The following CLEC17A variants were observed in gnomAD, a reference collection of about 807,000 sequenced individuals.
The protein encoded by CLEC17A is C-type lectin domain family 17, member A.
In CLEC17A, 37 loss-of-function variants were observed where a neutral mutation model predicts 61.3. The observed-to-expected ratio is 0.60, with a 90% CI of 0.46 to 0.79. The LOEUF is 0.79. Among genes scored for constraint, CLEC17A ranks in the 30% least tolerant of loss-of-function variants. The pLI is 0.00. For missense variants in CLEC17A, 418 were observed against 464.7 expected, an observed-to-expected ratio of 0.90 and a Z score of 0.92; for synonymous variants, 168 against 164.9, an observed-to-expected ratio of 1.02 and a Z score of -0.14.
At chr19:14,594,577 C>A in intron 5 of CLEC17A, 28 bp downstream of exon 5, 2 of 1,613,126 alleles carry the variant, frequency 1.2e-6, no homozygotes, top group Non-Finnish European at 1.7e-6. Context: ...GTGTAGGAGA[C>A]CCAGAGCTGG....
At position 14,591,279 on chromosome 19, in the gene CLEC17A, T is replaced by C. The variant is rs374764390; in HGVS notation, c.200-1002T>C. 2.7e-5 allele frequency among the ~76,000 whole-genome samples: 4 copies of C among 150,144 alleles called. No individual in the cohort carries two copies. The South Asian group carries it at 8.5e-4, about 32-fold the overall frequency. On this transcript the variant is annotated intron_variant, in intron 3 of 13. Transcript: ENST00000417570. ...ACGCCATTCTCCTGCCTCAGCCTCC[T>C]GAGTAGCTGGGACCACAGGCGCCCG...
At chr19:14,596,786 C>A in intron 8 of CLEC17A, 90 bp from the exon 9 acceptor site, 1 of 1,438,490 alleles carries the variant, frequency 7.0e-7, no homozygotes, top group Non-Finnish European at 9.4e-7. Flanking sequence ...CAGACTTCTG[C>A]CCCCTGCTCT....
intron 2 of CLEC17A, chr19:14,584,188 C>G (rs2396230): frequency 1.3e-5 from 2 of 151,914 alleles, no homozygotes; most frequent in Admixed American, 6.6e-5. Flanking sequence ...CGATTGTGAA[C>G]TAGGCGATCG....
chr19:14,602,820 C>T (rs1193096232), intron 12 of CLEC17A, among the ~76,000 whole-genome samples: 1 of 152,014 alleles, frequency 6.6e-6, no homozygotes, highest in Non-Finnish European at 1.5e-5. Context: ...ACTGCAACCT[C>T]TGCCTCCCGA....
chr19:14,611,357 G>A lies in CLEC17A; in HGVS notation c.*1161G>A, dbSNP rs1439916221. On this transcript the variant is annotated 3_prime_UTR_variant, in exon 14 of 14. Transcript: ENST00000417570. ...AGACTTTTGCCAGAAGACTTGGCCC[G>A]TGGAACTTCTATCCTTTTTTTTTTT... is the stretch of plus-strand genomic sequence containing the variant. Among the ~76,000 whole-genome samples, 2 of 147,438 alleles carry A rather than the reference G, an allele frequency of 1.4e-5. No homozygotes were observed. Among genetic ancestry groups the A allele is most frequent in the Non-Finnish European group, 3.0e-5 (2 of 67,322 alleles).
chr19:14,598,146 A>G lies in CLEC17A; in HGVS notation c.646+985A>G, dbSNP rs181030377. Among the ~76,000 whole-genome samples, 160 of 150,940 alleles carry G rather than the reference A, an allele frequency of 1.1e-3. 4 individuals are homozygous for G. The highest frequency in any genetic ancestry group is 9.6e-3 in the Admixed American group (145 of 15,174). On this transcript the variant is annotated intron_variant, in intron 10 of 13. Coordinates refer to ENST00000417570, the MANE Select transcript of CLEC17A (RefSeq NM_001204118.2). Reference sequence around the variant, plus strand: ...GTCCAGAGTCCAAGGTGAAACCTTTAGCTTGGCATTCAAGGATCCACATAT... The same window carrying G: ...GTCCAGAGTCCAAGGTGAAACCTTTGGCTTGGCATTCAAGGATCCACATAT...
chr19:14,587,329 A>G (rs1010652446), intron 2 of CLEC17A, among the ~76,000 whole-genome samples: 1 of 151,890 alleles, frequency 6.6e-6, no homozygotes, highest in Non-Finnish European at 1.5e-5. Context: ...CTTTGAAAGG[A>G]AAGGGAAACA....
Position 14,610,194 on chromosome 19 carries a change from T to G in CLEC17A, c.1135T>G (p.Ter379GlyextTer11). Residue 379 changes from the stop codon to glycine (G), a stop_lost, in exon 14 of 14, where the codon TGA becomes GGA. Coordinates refer to ENST00000417570, the MANE Select transcript of CLEC17A (RefSeq NM_001204118.2). Reference protein sequence around the residue: ...YWICERKCSC* With the variant: ...YWICERKCSCG ...GATTTGTGAGCGGAAATGTTCCTGT[T>G]GAAGCCCAGGGCCGAGGCTGGGGGT... is the stretch of plus-strand genomic sequence containing the variant. 1 of 1,562,666 alleles carries G rather than the reference T, an allele frequency of 6.4e-7. No homozygotes were observed. The highest frequency in any genetic ancestry group is 8.7e-7 in the Non-Finnish European group (1 of 1,153,354).
At chr19:14,590,770 T>G (rs1187043270) in intron 3 of CLEC17A, among the ~76,000 whole-genome samples, 1 of 151,954 alleles carries the variant, frequency 6.6e-6, no homozygotes, top group Non-Finnish European at 1.5e-5. Context: ...CACTGCTGTG[T>G]CAACCTCCTG....
At chr19:14,599,664 A>T (rs1485031177) in intron 10 of CLEC17A, 53 bp from the exon 11 acceptor site, 2 of 1,273,140 alleles carry the variant, frequency 1.6e-6, no homozygotes, top group Non-Finnish European at 2.3e-6. Flanking sequence ...TCCGTGGTGG[A>T]TGGGTAGGAT....
chr19:14,611,545 C>A lies in CLEC17A; in HGVS notation c.*1349C>A, dbSNP rs1390882274. 1.3e-5 allele frequency among the ~76,000 whole-genome samples: 2 copies of A among 151,634 alleles called. No individual in the cohort carries two copies. The highest frequency in any genetic ancestry group is 2.9e-5 in the Non-Finnish European group (2 of 67,906). ...GGCGTTCACCCTCACACCTGGCTGG[C>A]CCATGGAACTTCTAGAAAGGCATAC... On this transcript the variant is annotated 3_prime_UTR_variant, in exon 14 of 14. Coordinates refer to ENST00000417570, the MANE Select transcript of CLEC17A (RefSeq NM_001204118.2).
In CLEC17A at chr19:14,600,167, T is replaced by G; in HGVS notation, c.879T>G (p.Asn293Lys). The stretch of plus-strand genomic sequence containing the variant: ...ATTACTCTCACTTGGTCATCATCAA[T>G]AGCTTTGCTGAGCACGTGAGTTCTT... ...QENYSHLVII[N>K]SFAEHNFVAK... Residue 293 changes from asparagine (N) to lysine (K), a missense_variant, in exon 12 of 14, where the codon AAT becomes AAG. Physicochemically the swap from Asn to Lys is moderately conservative, Grantham distance 94. Coordinates refer to ENST00000417570, the MANE Select transcript of CLEC17A (RefSeq NM_001204118.2). 6.2e-7 allele frequency: 1 copy of G among 1,614,032 alleles called. No individual in the cohort carries two copies. The highest frequency in any genetic ancestry group is 1.1e-5 in the South Asian group (1 of 91,092).
At chr19:14,582,584 TAATA>T (rs1183681562), upstream of CLEC17A, among the ~76,000 whole-genome samples, 4 of 151,760 alleles carry the variant, frequency 2.6e-5, no homozygotes, top group East Asian at 7.7e-4. Context: ...ATTAATTAAT[TAATA>T]TTTAATGTTT....
rs1417754548 is a variant in CLEC17A at position 14,600,101 on chromosome 19, C to T, written c.813C>T (p.Ser271=). Reference sequence around the variant, plus strand: ...GCAAGTGTTACTACTTCTCCCCAAGCACCAAGTCATGGGATGAGGCCCGGA... The same window carrying T: ...GCAAGTGTTACTACTTCTCCCCAAGTACCAAGTCATGGGATGAGGCCCGGA... The part of the protein sequence containing the change: ...FEGKCYYFSP[S]TKSWDEARMF... Residue 271 remains serine, a synonymous_variant, in exon 12 of 14, where the codon AGC becomes AGT. Transcript: ENST00000417570. 2 of 1,614,042 alleles carry T rather than the reference C, an allele frequency of 1.2e-6. No homozygotes were observed. Among genetic ancestry groups the T allele is most frequent in the Non-Finnish European group, 8.5e-7 (1 of 1,179,888 alleles).
chr19:14,581,020 C>T (rs1450842142), upstream of CLEC17A, among the ~76,000 whole-genome samples: 7 of 152,270 alleles, frequency 4.6e-5, no homozygotes, highest in East Asian at 1.2e-3. Flanking sequence ...AAGGTTTTTC[C>T]ATTTGTTAGA....
At chr19:14,582,231 G>C (rs914533713), upstream of CLEC17A, among the ~76,000 whole-genome samples, 1 of 71,078 alleles carries the variant, frequency 1.4e-5, no homozygotes, top group African/African-American at 6.5e-5. Context: ...TTTTTTTTTT[G>C]AGACGGAGTC....
chr19:14,605,199 G>A (rs542174702), intron 12 of CLEC17A, among the ~76,000 whole-genome samples: 1 of 152,038 alleles, frequency 6.6e-6, no homozygotes, highest in Admixed American at 6.6e-5. Context: ...CTGGTTTCAA[G>A]CAATTCTCCT....
chr19:14,599,079 CTTTTTTTT>C (rs796835309), intron 10 of CLEC17A, among the ~76,000 whole-genome samples: 3 of 56,938 alleles, frequency 5.3e-5, no homozygotes, highest in African/African-American at 2.4e-4. Flanking sequence ...TGTATCTTTG[CTTTTTTTT>C]TTTTTTTTTT....
rs2074919520 is a variant in CLEC17A at position 14,607,451 on chromosome 19, C to T, written c.1004+349C>T. 2.6e-5 allele frequency among the ~76,000 whole-genome samples: 4 copies of T among 151,942 alleles called. No homozygotes were observed. In the South Asian group the frequency reaches 8.3e-4, roughly 31 times the overall value. Reference sequence around the variant, plus strand: ...ATCTCCTGACCTCGTGATCTGCCCGCCTTGGCCTCCCAAAGTGCTGGGATT... The same window carrying T: ...ATCTCCTGACCTCGTGATCTGCCCGTCTTGGCCTCCCAAAGTGCTGGGATT... On this transcript the variant is annotated intron_variant, in intron 13 of 13. Coordinates refer to ENST00000417570, the MANE Select transcript of CLEC17A (RefSeq NM_001204118.2).
Sources: allele counts gnomAD v4.1 joint callset (sites outside exome capture counted in the v4.1 genomes callset), GRCh38; gene constraint gnomAD v4.1.1; transcripts MANE v1.5; gene names NCBI Gene and HGNC (gene_info 2026-07-23, HGNC 2026-07-21).